MINAR1: variants seen among roughly 807,000 people sequenced by gnomAD.
MINAR1 encodes the protein major intrinsically disordered Notch2-binding receptor 1.
MINAR1 carries 40 observed loss-of-function variants against 65.1 expected under a neutral mutation model. The ratio of observed to expected loss-of-function variants is 0.61; its 90% CI spans 0.48 to 0.80. The LOEUF is 0.80. Ranked by LOEUF, MINAR1 falls within the 30% of genes least tolerant of loss-of-function variation. The pLI, the probability that MINAR1 is intolerant of heterozygous loss-of-function variation, is 0.00. For synonymous variants in MINAR1, 482 were observed against 449.1 expected, an observed-to-expected ratio of 1.07 and a Z score of -0.93; for missense variants, 1,128 against 1,148.0, an observed-to-expected ratio of 0.98 and a Z score of 0.25.
At chr15:79,446,267 CA>C (rs1055902765) in intron 1 of MINAR1, among the ~76,000 whole-genome samples, 2 of 152,088 alleles carry the variant, frequency 1.3e-5, no homozygotes, top group African/African-American at 4.8e-5. Context: ...TAATTCTGAT[CA>C]CTTCCTCTCC....
In MINAR1 at chr15:79,442,050, C is replaced by CTT. The variant is rs57139012; in HGVS notation, c.-51+9520_-51+9521dup. ...ATTCTGTTTTTTCAAGGTTTTTTTA[C>CTT]TTTTTTTTTTTACTGTTTTTTTTTT... On this transcript the variant is annotated intron_variant, in intron 1 of 3. Coordinates refer to ENST00000305428, the MANE Select transcript of MINAR1 (RefSeq NM_015206.3). 6.8e-3 allele frequency among the ~76,000 whole-genome samples: 955 copies of CTT among 139,744 alleles called. 42 individuals are homozygous for CTT. In the East Asian group the frequency reaches 0.13, roughly 20 times the overall value. The allele number at this position is 139,744 out of a possible 152,430, so 91.7% of individuals were successfully genotyped here. A position where few individuals can be genotyped will look rare whatever the true frequency, so the allele number is the denominator to read the frequency against.
chr15:79,456,651 G>C lies in MINAR1; in HGVS notation c.504G>C (p.Gln168His), dbSNP rs774105359. 1 of 1,614,164 alleles carries C rather than the reference G, an allele frequency of 6.2e-7. No individual in the cohort carries two copies. The highest frequency in any genetic ancestry group is 1.1e-5 in the South Asian group (1 of 91,080). The change falls in exon 2 of 4, where the codon CAG becomes CAC. Residue 168 changes from glutamine (Q) to histidine (H), a missense_variant. Physicochemically the swap from Gln to His is conservative, Grantham distance 24 (BLOSUM62 0). Transcript: ENST00000305428. ...CRKMDCKDCP[Q>H]FVPASEPNFL... ...AGATGGACTGCAAGGACTGCCCACA[G>C]TTTGTCCCTGCCTCTGAGCCTAACT...
intron 1 of MINAR1, among the ~76,000 whole-genome samples, chr15:79,452,259 AGTCT>A (rs1298333541): frequency 1.3e-5 from 2 of 150,704 alleles, no homozygotes; most frequent in Non-Finnish European, 2.9e-5. Flanking sequence ...CATGAGCGTG[AGTCT>A]GTGTGTTTAG....
At chr15:79,436,248 G>C (rs1894596436) in intron 1 of MINAR1, among the ~76,000 whole-genome samples, 1 of 152,188 alleles carries the variant, frequency 6.6e-6, no homozygotes, top group Admixed American at 6.5e-5. Context: ...AAGAACTTAG[G>C]ATCATACTGG....
chr15:79,442,240 G>T (rs1894890911), intron 1 of MINAR1, among the ~76,000 whole-genome samples: 1 of 151,814 alleles, frequency 6.6e-6, no homozygotes, highest in South Asian at 2.1e-4. Flanking sequence ...ATTTACTTTT[G>T]TCAATGGCAA....
At chr15:79,442,576 C>T (rs1289805551) in intron 1 of MINAR1, among the ~76,000 whole-genome samples, 2 of 141,464 alleles carry the variant, frequency 1.4e-5, no homozygotes, top group African/African-American at 2.7e-5. Context: ...CATGCATGGC[C>T]TTGCCCCATA....
At chr15:79,426,317 C>T in the MINAR1 span, 1 of 152,236 alleles carries the variant, frequency 6.6e-6, no homozygotes, top group Admixed American at 6.5e-5. Context: ...TTCAGACTGT[C>T]ACCAGATTCT....
At chr15:79,458,898 T>C (rs554476358) in intron 2 of MINAR1, among the ~76,000 whole-genome samples, 6 of 152,330 alleles carry the variant, frequency 3.9e-5, no homozygotes, top group Middle Eastern at 3.4e-3. Context: ...TTTTTAAGTA[T>C]GAGGTTTTTT....
intron 1 of MINAR1, among the ~76,000 whole-genome samples, chr15:79,446,346 C>G (rs1279930173): frequency 6.6e-6 from 1 of 151,970 alleles, no homozygotes; most frequent in Non-Finnish European, 1.5e-5. Context: ...TATTTATCAC[C>G]TTATTTCCTC....
rs145637309 is a variant in MINAR1 at position 79,457,651 on chromosome 15, C to T, written c.1504C>T (p.His502Tyr). ...TGGTCAGGGCAAGTACAGTGACAGG[C>T]ACACCATGAAGCACTCAGACGATGA... is the stretch of plus-strand genomic sequence containing the variant. ...TSGQGKYSDR[H>Y]TMKHSDDDSE... Residue 502 changes from histidine to tyrosine, a missense_variant, in exon 2 of 4, where the codon CAC (histidine) becomes TAC (tyrosine). Coordinates refer to ENST00000305428, the MANE Select transcript of MINAR1 (RefSeq NM_015206.3). The T allele has an allele frequency of 1.9e-5, 31 of 1,614,174 alleles. No individual in the cohort carries two copies. The East Asian group carries it at 6.5e-4, about 34-fold the overall frequency.
chr15:79,413,177 A>G, the MINAR1 span: 64,927 of 152,088 alleles, frequency 0.43, 14,297 homozygotes, highest in Middle Eastern at 0.56. Context: ...TCTTTCTCCA[A>G]ATGACCACAC....
rs1362310886 is a variant in MINAR1, at chr15:79,457,399, A to G, written c.1252A>G (p.Lys418Glu). ...PERRPTYLVP[K>E]DQQPILPIAY... ...AAGGCGCCCAACTTACCTTGTGCCA[A>G]AGGATCAACAGCCAATTCTCCCCAT... Residue 418 changes from lysine to glutamate, a missense_variant, in exon 2 of 4, where the codon AAG becomes GAG. Coordinates refer to ENST00000305428, the MANE Select transcript of MINAR1 (RefSeq NM_015206.3). The G allele has an allele frequency of 2.5e-6, 4 of 1,614,202 alleles. No homozygotes were observed. The highest frequency in any genetic ancestry group is 1.6e-4 in the Middle Eastern group (1 of 6,062).
chr15:79,471,192 C>CTGGCATTTT lies in MINAR1; in HGVS notation c.*2810_*2818dup, dbSNP rs1896066327. The CTGGCATTTT allele has an allele frequency of 6.6e-6, 1 of 152,184 alleles. No homozygotes were observed. Among genetic ancestry groups the CTGGCATTTT allele is most frequent in the African/African-American group, 2.4e-5 (1 of 41,424 alleles). 9.4% of individuals were successfully genotyped at this position (152,184 alleles called of 1,614,324 possible). On this transcript the variant is annotated 3_prime_UTR_variant, in exon 4 of 4. Coordinates refer to ENST00000305428, the MANE Select transcript of MINAR1 (RefSeq NM_015206.3). The stretch of plus-strand genomic sequence containing the variant: ...ACTGGGTGCCATCTCCCACCATACT[C>CTGGCATTTT]TGGCATTTTTATGTAAAGGATAATT...
the MINAR1 span, chr15:79,425,494 G>A: frequency 5.3e-5 from 8 of 152,222 alleles, no homozygotes; most frequent in African/African-American, 1.9e-4. Context: ...CTCACATGAT[G>A]AAATTAGAAT....
chr15:79,423,059 T>G, the MINAR1 span: 1 of 152,218 alleles, frequency 6.6e-6, no homozygotes, highest in Non-Finnish European at 1.5e-5. Context: ...ACAGCAAAAC[T>G]TTTGAAATGA....
chr15:79,444,737 T>C (rs992005117), intron 1 of MINAR1, among the ~76,000 whole-genome samples: 2 of 152,036 alleles, frequency 1.3e-5, no homozygotes, highest in African/African-American at 4.8e-5. Flanking sequence ...GTGATATCTT[T>C]GGGTATACAT....
chr15:79,450,250 G>A (rs146807488), intron 1 of MINAR1, among the ~76,000 whole-genome samples: 9 of 152,250 alleles, frequency 5.9e-5, no homozygotes, highest in East Asian at 3.9e-4. Flanking sequence ...CATCCAGCCC[G>A]CTCTAAAGAG....
Position 79,432,341 on chromosome 15 carries a change from T to C in MINAR1, c.-250T>C, listed in dbSNP as rs1567047258. ...AGCGCCGCGCGTGTGAGCGCAGACC[T>C]GGACTCGGGCGGCGGAGGCGAAAGT... On this transcript the variant is annotated 5_prime_UTR_variant, in exon 1 of 4. Transcript: ENST00000305428. 6.6e-6 allele frequency among the ~76,000 whole-genome samples: 1 copy of C among 151,768 alleles called. No homozygotes were observed. The highest frequency in any genetic ancestry group is 1.5e-5 in the Non-Finnish European group (1 of 67,866).
intron 1 of MINAR1, among the ~76,000 whole-genome samples, chr15:79,454,805 G>A (rs1895354550): frequency 6.6e-6 from 1 of 152,198 alleles, no homozygotes; most frequent in Non-Finnish European, 1.5e-5. Flanking sequence ...CTGGGGCAAT[G>A]GGAACATTCT....
Sources: allele counts gnomAD v4.1 joint callset (sites outside exome capture counted in the v4.1 genomes callset), GRCh38; gene constraint gnomAD v4.1.1; transcripts MANE v1.5; gene names NCBI Gene and HGNC (gene_info 2026-07-23, HGNC 2026-07-21).